Variants in RIMS1 observed in about 807,000 individuals in gnomAD.
RIMS1 encodes regulating synaptic membrane exocytosis 1.
A neutral mutation model predicts 214.1 loss-of-function variants in RIMS1; 83 were observed. The observed-to-expected ratio is 0.39, with a 90% confidence interval of 0.32 to 0.47. The LOEUF is 0.47. RIMS1 is among the 20% of genes least tolerant of loss of function. The pLI is 0.99. For missense variants in RIMS1, 2,050 were observed against 2,161.8 expected (o/e 0.95, Z 1.03); for synonymous variants, 793 against 786.8 (o/e 1.01, Z -0.13).
intron 6 of RIMS1, among the ~76,000 whole-genome samples, chr6:72,196,580 C>CTTTTTTTTTTTTTTT (rs61651151): frequency 0.089 from 5,021 of 56,680 alleles, 1,612 homozygotes; most frequent in East Asian, 0.32. Flanking sequence ...GCCAGCTGCA[C>CTTTTTTTTTTTTTTT]TTTTTTTTTT....
At chr6:72,049,251 G>A (rs1823936500) in intron 2 of RIMS1, among the ~76,000 whole-genome samples, 1 of 152,126 alleles carries the variant, frequency 6.6e-6, no homozygotes, top group East Asian at 1.9e-4. Context: ...CTGTTGTGGG[G>A]AAACAAGTTT....
At chr6:72,250,568 A>C in intron 13 of RIMS1, 108 bp downstream of exon 13, 3 of 745,256 alleles carry the variant, frequency 4.0e-6, no homozygotes, top group Non-Finnish European at 6.2e-6. Flanking sequence ...AATTCTGAGG[A>C]GATAAAAGTA....
At chr6:72,274,250 T>C in intron 22 of RIMS1, 99 bp from the exon 23 acceptor site, 1 of 705,144 alleles carries the variant, frequency 1.4e-6, no homozygotes, top group Admixed American at 2.3e-5. Flanking sequence ...CACTTTGCCT[T>C]TATGGGGTGC....
At chr6:72,201,499 A>G (rs1275767575) in intron 6 of RIMS1, among the ~76,000 whole-genome samples, 1 of 152,202 alleles carries the variant, frequency 6.6e-6, no homozygotes, top group East Asian at 1.9e-4. Context: ...ATTTTGGTTC[A>G]ATTTAACAGA....
intron 6 of RIMS1, among the ~76,000 whole-genome samples, chr6:72,220,129 G>A (rs529879282): frequency 5.3e-5 from 8 of 152,150 alleles, no homozygotes; most frequent in African/African-American, 1.7e-4. Context: ...TAAGTGCCTG[G>A]CTTAAATAGT....
chr6:72,399,123 A>G, intron 33 of RIMS1, 29 bp downstream of exon 33: 1 of 1,552,150 alleles, frequency 6.4e-7, no homozygotes, highest in Non-Finnish European at 8.7e-7. Context: ...GGCTTTTTAC[A>G]TTGAAATGTC....
At chr6:72,261,311 A>G in intron 19 of RIMS1, 1 of 996,780 alleles carries the variant, frequency 1.0e-6, no homozygotes, top group Non-Finnish European at 1.2e-6. Context: ...ATTCAACCTG[A>G]TCTTAACTAT....
At chr6:72,231,809 C>T (rs930748295) in intron 6 of RIMS1, among the ~76,000 whole-genome samples, 5 of 151,478 alleles carry the variant, frequency 3.3e-5, no homozygotes, top group East Asian at 3.9e-4. Context: ...TTTTGCAGAT[C>T]GAATATTCAC....
chr6:72,305,074 TGTTA>T (rs369580136), intron 26 of RIMS1, among the ~76,000 whole-genome samples: 29 of 152,146 alleles, frequency 1.9e-4, no homozygotes, highest in African/African-American at 7.0e-4. Flanking sequence ...TTTAGATTCA[TGTTA>T]GTTGTATTAC....
intron 1 of RIMS1, among the ~76,000 whole-genome samples, chr6:71,915,550 C>T (rs563441772): frequency 9.2e-5 from 14 of 152,262 alleles, no homozygotes; most frequent in African/African-American, 3.4e-4. Context: ...TTCTCCCTCA[C>T]ATATAACAAA....
chr6:72,128,917 C>T (rs2040018616), intron 4 of RIMS1, among the ~76,000 whole-genome samples: 1 of 152,126 alleles, frequency 6.6e-6, no homozygotes, highest in South Asian at 2.1e-4. Flanking sequence ...GAATAATATT[C>T]ATCTTTAATA....
chr6:71,897,940 C>T (rs908715021), intron 1 of RIMS1, among the ~76,000 whole-genome samples: 1 of 152,112 alleles, frequency 6.6e-6, no homozygotes, highest in African/African-American at 2.4e-5. Context: ...CACGGGAATT[C>T]AGTCAGCAAA....
At chr6:71,936,965 G>A (rs1052805079) in intron 1 of RIMS1, among the ~76,000 whole-genome samples, 1 of 151,708 alleles carries the variant, frequency 6.6e-6, no homozygotes, top group South Asian at 2.1e-4. Context: ...CAGTTCTGCT[G>A]TAAAACTCTG....
intron 2 of RIMS1, among the ~76,000 whole-genome samples, chr6:72,033,305 C>T (rs964477341): frequency 6.6e-6 from 1 of 152,220 alleles, no homozygotes; most frequent in Non-Finnish European, 1.5e-5. Flanking sequence ...TGGGGTTATG[C>T]GTGGGCATCT....
intron 29 of RIMS1, among the ~76,000 whole-genome samples, chr6:72,335,156 C>T (rs2096796379): frequency 6.6e-6 from 1 of 151,934 alleles, no homozygotes; most frequent in Admixed American, 6.6e-5. Context: ...TGGTTTGCTG[C>T]ACCCATCAAC....
chr6:72,098,301 TTTTC>T (rs1157421755), intron 3 of RIMS1, among the ~76,000 whole-genome samples: 1 of 151,062 alleles, frequency 6.6e-6, no homozygotes, highest in Non-Finnish European at 1.5e-5. Context: ...TTTTTTTTTT[TTTTC>T]TTTTTTTTCT....
chr6:71,908,136 A>T (rs894564248), intron 1 of RIMS1, among the ~76,000 whole-genome samples: 2 of 152,014 alleles, frequency 1.3e-5, no homozygotes, highest in African/African-American at 4.8e-5. Context: ...CAAAGAGGCA[A>T]CTCCTTGGCT....
At chr6:72,097,747 T>C (rs1389347076) in intron 3 of RIMS1, among the ~76,000 whole-genome samples, 1 of 152,196 alleles carries the variant, frequency 6.6e-6, no homozygotes, top group Non-Finnish European at 1.5e-5. Flanking sequence ...TCTTACCTGA[T>C]GATGTTTCCT....
intron 29 of RIMS1, among the ~76,000 whole-genome samples, chr6:72,362,821 T>A (rs1380146637): frequency 2.0e-5 from 3 of 152,184 alleles, no homozygotes; most frequent in African/African-American, 7.2e-5. Context: ...TTCTGGGAGT[T>A]GTAGCACAGA....
Sources: allele counts gnomAD v4.1 joint callset (sites outside exome capture counted in the v4.1 genomes callset), GRCh38; gene constraint gnomAD v4.1.1; transcripts MANE v1.5; gene names NCBI Gene and HGNC (gene_info 2026-07-23, HGNC 2026-07-21).